Variants in ETV5 observed in about 807,000 individuals in gnomAD.
ETV5 encodes ETS translocation variant 5.
A neutral mutation model predicts 70.0 loss-of-function variants in ETV5; 10 were observed. The ratio of observed to expected loss-of-function variants is 0.14; its 90% CI spans 0.09 to 0.24. ETV5 has a LOEUF of 0.24. Ranked by LOEUF, ETV5 falls within the 10% of genes least tolerant of loss-of-function variation. ETV5 has a pLI of 1.00. For missense variants in ETV5, 453 were observed against 651.2 expected (o/e 0.70, Z 3.31); for synonymous variants, 216 against 242.2 (o/e 0.89, Z 1.01).
intron 5 of ETV5, among the ~76,000 whole-genome samples, chr3:186,103,261 T>C (rs1714506373): frequency 6.6e-6 from 1 of 152,230 alleles, no homozygotes; most frequent in Non-Finnish European, 1.5e-5. Context: ...GCACATTCTA[T>C]TTGCTGAGCA....
intron 6 of ETV5, 161 bp downstream of exon 6, chr3:186,080,885 G>A: frequency 1.3e-6 from 1 of 772,642 alleles, no homozygotes. Flanking sequence ...ATGATCCCAA[G>A]GGGACTGGAC....
intron 1 of ETV5, chr3:186,108,689 C>A (rs556067839): frequency 3.5e-6 from 4 of 1,155,446 alleles, no homozygotes; most frequent in African/African-American, 3.3e-5. Context: ...GCGCCTCCCC[C>A]ACGACGTGTG....
chr3:186,070,505 A>G (rs1281337255), intron 7 of ETV5, among the ~76,000 whole-genome samples: 1 of 152,256 alleles, frequency 6.6e-6, no homozygotes, highest in African/African-American at 2.4e-5. Context: ...TGATCTGCAG[A>G]ACAGATTCTA....
At chr3:186,095,074 G>A (rs1208747524) in intron 5 of ETV5, 2 of 152,128 alleles carry the variant, frequency 1.3e-5, no homozygotes, top group Admixed American at 1.3e-4. Flanking sequence ...TACTTTCCTT[G>A]GGCAGCTTAG....
At chr3:186,090,139 C>T (rs1714147323) in intron 5 of ETV5, among the ~76,000 whole-genome samples, 2 of 152,308 alleles carry the variant, frequency 1.3e-5, no homozygotes, top group African/African-American at 4.8e-5. Flanking sequence ...AGTTGACTAA[C>T]ATGTCAAAAG....
At chr3:186,107,698 AC>A in intron 1 of ETV5, among the ~76,000 whole-genome samples, 1 of 151,924 alleles carries the variant, frequency 6.6e-6, no homozygotes. Flanking sequence ...CCCCAGGAAA[AC>A]TTTAGCACAG....
Position 186,058,404 on chromosome 3 carries a change from G to A in ETV5, c.971-913C>T, listed in dbSNP as rs570090322. On this transcript the variant is annotated intron_variant, in intron 9 of 12. Transcript: ENST00000306376. ...AGTGCATACTCCTTTACCAGCACACGTCTTAGGAGAATGCCCCAGGGCTCC... is the reference window on the plus strand; with the variant it reads ...AGTGCATACTCCTTTACCAGCACACATCTTAGGAGAATGCCCCAGGGCTCC... Among the ~76,000 whole-genome samples the A allele has an allele frequency of 3.3e-5, 5 of 152,218 alleles. No individual in the cohort carries two copies. The East Asian group carries it at 7.7e-4, about 23-fold the overall frequency.
intron 5 of ETV5, among the ~76,000 whole-genome samples, chr3:186,092,755 G>A (rs972501816): frequency 7.9e-5 from 12 of 152,242 alleles, no homozygotes; most frequent in African/African-American, 2.9e-4. Flanking sequence ...TTTTAAAATA[G>A]ATGACGGAAC....
At chr3:186,098,715 T>G (rs1295773483) in intron 5 of ETV5, among the ~76,000 whole-genome samples, 1 of 152,252 alleles carries the variant, frequency 6.6e-6, no homozygotes, top group Admixed American at 6.5e-5. Flanking sequence ...GGAGCCCGTC[T>G]GACAACCAGA....
intron 5 of ETV5, chr3:186,084,088 TAAAGA>T (rs1425177902): frequency 7.1e-6 from 2 of 282,692 alleles, no homozygotes; most frequent in Non-Finnish European, 1.4e-5. Context: ...CCTTGAGAAA[TAAAGA>T]AAAGGGCACA....
At position 186,081,073 on chromosome 3, in the gene ETV5, T is replaced by C. The variant is rs61760177; in HGVS notation, c.335A>G (p.Tyr112Cys). ...CSHEQALGAN[Y>C]GEKCLYNYCA... ...ATAGTTGTAGAGGCACTTTTCTCCA[T>C]AGTTAGCACCAAGAGCCTGCTCATG... Residue 112 changes from tyrosine (Y) to cysteine (C), a missense_variant, in exon 6 of 13, where the codon TAT (tyrosine) becomes TGT (cysteine). Tyr to Cys is a radical substitution (Grantham distance 194). Coordinates refer to ENST00000306376, the MANE Select transcript of ETV5 (RefSeq NM_004454.3). The C allele has an allele frequency of 1.5e-3, 2,400 of 1,613,174 alleles. 1 individual carries two copies. The highest frequency in any genetic ancestry group is 1.7e-3 in the Non-Finnish European group (1,983 of 1,179,476).
At chr3:186,108,696 TGTGGAAAGC>T in intron 1 of ETV5, 1 of 1,139,842 alleles carries the variant, frequency 8.8e-7, no homozygotes, top group Non-Finnish European at 1.1e-6. Context: ...CCCCACGACG[TGTGGAAAGC>T]CGCTCTCCCC....
chr3:186,077,514 G>T (rs1713825477), intron 7 of ETV5, among the ~76,000 whole-genome samples: 1 of 152,200 alleles, frequency 6.6e-6, no homozygotes, highest in Non-Finnish European at 1.5e-5. Flanking sequence ...TCACGTGGAT[G>T]ACCATATTAA....
At chr3:186,090,128 T>C (rs940518645) in intron 5 of ETV5, among the ~76,000 whole-genome samples, 2 of 152,244 alleles carry the variant, frequency 1.3e-5, no homozygotes, top group African/African-American at 4.8e-5. Flanking sequence ...CTTTATCTTA[T>C]AGTTGACTAA....
chr3:186,070,532 G>A (rs1355789513), intron 7 of ETV5, among the ~76,000 whole-genome samples: 1 of 152,218 alleles, frequency 6.6e-6, no homozygotes, highest in Non-Finnish European at 1.5e-5. Context: ...GGATTGTTCC[G>A]TACTGGTTTG....
chr3:186,097,605 TGA>T (rs1560056030), intron 5 of ETV5, among the ~76,000 whole-genome samples: 1 of 152,270 alleles, frequency 6.6e-6, no homozygotes, highest in Non-Finnish European at 1.5e-5. Context: ...CAGTCTAAAA[TGA>T]GAGACAAAGA....
chr3:186,093,410 T>C (rs1223199881), intron 5 of ETV5, among the ~76,000 whole-genome samples: 1 of 152,092 alleles, frequency 6.6e-6, no homozygotes, highest in African/African-American at 2.4e-5. Flanking sequence ...GGTTTAAAGG[T>C]TTCCTTCTGC....
rs1712890104 is a variant in ETV5, at chr3:186,046,801, GTT to G, written c.*1836_*1837del. ...GCATCTATGTATAGACTATGTGTAG[GTT>G]AAGAAAGCTATAAATATGGTTTAGA... On this transcript the variant is annotated 3_prime_UTR_variant, in exon 13 of 13. Coordinates refer to ENST00000306376, the MANE Select transcript of ETV5 (RefSeq NM_004454.3). 8.6e-6 allele frequency: 2 copies of G among 232,346 alleles called. No individual in the cohort carries two copies. Among genetic ancestry groups the G allele is most frequent in the Non-Finnish European group, 1.7e-5 (2 of 117,296 alleles). 14.4% of individuals were successfully genotyped at this position (232,346 alleles called of 1,614,324 possible). A position where few individuals can be genotyped will look rare whatever the true frequency, so the allele number is the denominator to read the frequency against.
At chr3:186,078,279 G>C in intron 7 of ETV5, 1 of 831,456 alleles carries the variant, frequency 1.2e-6, no homozygotes, top group Non-Finnish European at 1.5e-6. Context: ...TACAGTTCAT[G>C]GTATAACAAA....
Sources: allele counts gnomAD v4.1 joint callset (sites outside exome capture counted in the v4.1 genomes callset), GRCh38; gene constraint gnomAD v4.1.1; transcripts MANE v1.5; gene names NCBI Gene and HGNC (gene_info 2026-07-23, HGNC 2026-07-21).